UMAD1: variants seen among roughly 807,000 people sequenced by gnomAD.
UMAD1 encodes UBAP1-MVB12-associated (UMA) domain containing 1.
In UMAD1, 8 loss-of-function variants were observed where a neutral mutation model predicts 6.1. That is an observed-to-expected ratio of 1.30 (90% CI 0.76 to 2.35). The LOEUF (loss-of-function observed/expected upper bound fraction) is 2.35. Among genes scored for constraint, UMAD1 ranks in the 30% most tolerant of loss-of-function variants. The probability of loss-of-function intolerance (pLI) is 0.00; values close to 1 mark genes in which losing one functional copy is unlikely to be tolerated. For missense variants in UMAD1, 130 were observed against 78.4 expected, an observed-to-expected ratio of 1.66 and a Z score of -2.49; for synonymous variants, 56 against 31.4, an observed-to-expected ratio of 1.78 and a Z score of -2.61.
chr7:7,799,317 T>G (rs1223276279), intron 2 of UMAD1, among the ~76,000 whole-genome samples: 1 of 152,232 alleles, frequency 6.6e-6, no homozygotes, highest in East Asian at 1.9e-4. Flanking sequence ...TATTGTCCTA[T>G]CTGAGTCATC....
intron 3 of UMAD1, among the ~76,000 whole-genome samples, chr7:7,843,277 G>T (rs1468094067): frequency 1.3e-5 from 2 of 152,206 alleles, no homozygotes; most frequent in African/African-American, 4.8e-5. Context: ...TCTATTCTGA[G>T]ATTCACTGCG....
intron 3 of UMAD1, among the ~76,000 whole-genome samples, chr7:7,809,827 A>G (rs1270790800): frequency 6.6e-6 from 1 of 152,050 alleles, no homozygotes; most frequent in African/African-American, 2.4e-5. Context: ...TCATAGAGCT[A>G]TAGGAGCCTT....
At chr7:7,735,015 G>C (rs1008712130) in intron 2 of UMAD1, among the ~76,000 whole-genome samples, 1 of 151,684 alleles carries the variant, frequency 6.6e-6, no homozygotes, top group African/African-American at 2.4e-5. Context: ...GTGTGAACAG[G>C]GTATTATTTT....
chr7:7,878,322 T>G lies in UMAD1; in HGVS notation c.*784T>G, dbSNP rs2115348696. ...TTCCCAGTTTATGAAGAGATCCACA[T>G]TTCCTTTCAACCCCTCTGCCTCCTG... is the stretch of plus-strand genomic sequence containing the variant. On this transcript the variant is annotated 3_prime_UTR_variant, in exon 4 of 4. Coordinates refer to ENST00000682710, the MANE Select transcript of UMAD1 (RefSeq NM_001302348.2). 1 of 152,150 alleles carries G rather than the reference T, an allele frequency of 6.6e-6. No individual in the cohort carries two copies. Among genetic ancestry groups the G allele is most frequent in the South Asian group, 2.1e-4 (1 of 4,810 alleles). 9.4% of individuals were successfully genotyped at this position (152,150 alleles called of 1,614,324 possible). A position where few individuals can be genotyped will look rare whatever the true frequency, so the allele number is the denominator to read the frequency against.
At chr7:7,741,734 A>G (rs1387091378) in intron 2 of UMAD1, among the ~76,000 whole-genome samples, 1 of 151,914 alleles carries the variant, frequency 6.6e-6, no homozygotes, top group East Asian at 1.9e-4. Context: ...CTGATTTGCT[A>G]AAAACAACTG....
chr7:7,662,229 A>G (rs1249111971), intron 1 of UMAD1, among the ~76,000 whole-genome samples: 2 of 152,086 alleles, frequency 1.3e-5, no homozygotes, highest in Non-Finnish European at 2.9e-5. Flanking sequence ...AAGCCAGTGG[A>G]TCTTAGCTTG....
At chr7:7,668,003 G>A (rs28916009) in intron 1 of UMAD1, among the ~76,000 whole-genome samples, 2,815 of 151,936 alleles carry the variant, frequency 0.019, 85 homozygotes, top group African/African-American at 0.065. Context: ...TTTCACCCCC[G>A]CCTTCTGGGC....
intron 3 of UMAD1, among the ~76,000 whole-genome samples, chr7:7,817,096 T>C (rs1264549302): frequency 6.6e-6 from 1 of 152,216 alleles, no homozygotes; most frequent in African/African-American, 2.4e-5. Flanking sequence ...AGTATATTCC[T>C]TTCTCTTGAA....
chr7:7,793,445 G>T lies in UMAD1; in HGVS notation c.83-8225G>T, dbSNP rs749420648. Among the ~76,000 whole-genome samples the T allele has an allele frequency of 1.6e-4, 24 of 152,214 alleles. 1 individual carries two copies. Among genetic ancestry groups the T allele is most frequent in the South Asian group, 8.3e-4 (4 of 4,816 alleles). The stretch of plus-strand genomic sequence containing the variant: ...TACTTCACTTGGTGAATGACTAATA[G>T]GCAAACACTCCCAGAGGGTATTTGC... On this transcript the variant is annotated intron_variant, in intron 2 of 3. Transcript: ENST00000682710.
At chr7:7,842,339 C>T (rs754774666) in intron 3 of UMAD1, among the ~76,000 whole-genome samples, 5 of 151,952 alleles carry the variant, frequency 3.3e-5, no homozygotes, top group African/African-American at 4.8e-5. Context: ...TTTTTATCAT[C>T]GTTTATTTTT....
rs1175923206 is a variant in UMAD1 at position 7,847,097 on chromosome 7, A to T, written c.157-30184A>T. Among the ~76,000 whole-genome samples the T allele has an allele frequency of 1.9e-3, 91 of 48,854 alleles. 4 individuals carry two copies. Among genetic ancestry groups the T allele is most frequent in the African/African-American group, 0.013 (86 of 6,610 alleles). The allele number at this position is 48,854 out of a possible 152,430, so 32.1% of individuals were successfully genotyped here. A position where few individuals can be genotyped will look rare whatever the true frequency, so the allele number is the denominator to read the frequency against. The stretch of plus-strand genomic sequence containing the variant: ...AAAAAGACAGCAATGCAAAAAAAAA[A>T]AAAAAAAATATATATATATATATAT... On this transcript the variant is annotated intron_variant, in intron 3 of 3. Transcript: ENST00000682710.
chr7:7,660,513 T>C (rs770528926), intron 1 of UMAD1, among the ~76,000 whole-genome samples: 17 of 152,244 alleles, frequency 1.1e-4, no homozygotes, highest in Non-Finnish European at 2.4e-4. Context: ...ACAAAATCTC[T>C]CAGCATTTGC....
intron 2 of UMAD1, among the ~76,000 whole-genome samples, chr7:7,688,928 G>A (rs982264854): frequency 9.9e-5 from 15 of 152,162 alleles, no homozygotes; most frequent in African/African-American, 3.6e-4. Context: ...ATAAGTCTTT[G>A]TTAACTTATC....
At chr7:7,874,772 G>A (rs1312362845) in intron 3 of UMAD1, among the ~76,000 whole-genome samples, 1 of 152,172 alleles carries the variant, frequency 6.6e-6, no homozygotes, top group Non-Finnish European at 1.5e-5. Context: ...AACCAATTCT[G>A]TGTTGTTAGA....
intron 2 of UMAD1, among the ~76,000 whole-genome samples, chr7:7,764,200 G>A (rs1781945060): frequency 6.6e-6 from 1 of 152,078 alleles, no homozygotes; most frequent in South Asian, 2.1e-4. Flanking sequence ...GGGTCATCTT[G>A]CAAGCTCATT....
intron 3 of UMAD1, among the ~76,000 whole-genome samples, chr7:7,835,186 A>G (rs1219666488): frequency 6.6e-6 from 1 of 152,104 alleles, no homozygotes; most frequent in Non-Finnish European, 1.5e-5. Context: ...GTCACTCATC[A>G]TTGTAATTCT....
At chr7:7,724,970 C>T (rs1303294847) in intron 2 of UMAD1, among the ~76,000 whole-genome samples, 1 of 152,162 alleles carries the variant, frequency 6.6e-6, no homozygotes, top group Admixed American at 6.5e-5. Context: ...TGACATTATG[C>T]TGATTGGATC....
At chr7:7,734,177 A>G (rs2115195215) in intron 2 of UMAD1, among the ~76,000 whole-genome samples, 1 of 152,066 alleles carries the variant, frequency 6.6e-6, no homozygotes, top group Non-Finnish European at 1.5e-5. Context: ...TATTGTTCCT[A>G]GTTTTGTAAT....
intron 1 of UMAD1, among the ~76,000 whole-genome samples, chr7:7,670,787 C>G (rs987701475): frequency 6.6e-6 from 1 of 152,212 alleles, no homozygotes; most frequent in Non-Finnish European, 1.5e-5. Flanking sequence ...AAACCACTCC[C>G]ATTTACAAAG....
Sources: allele counts gnomAD v4.1 joint callset (sites outside exome capture counted in the v4.1 genomes callset), GRCh38; gene constraint gnomAD v4.1.1; transcripts MANE v1.5; gene names NCBI Gene and HGNC (gene_info 2026-07-23, HGNC 2026-07-21).